Variants in VWA8 observed in about 807,000 individuals in gnomAD.
VWA8 encodes von Willebrand factor A domain containing 8, also known as von Willebrand factor A domain-containing protein 8.
A neutral mutation model predicts 241.5 loss-of-function variants in VWA8; 221 were observed. The ratio of observed to expected loss-of-function variants is 0.91; its 90% confidence interval spans 0.82 to 1.02. VWA8 has a LOEUF of 1.02. Ranked by LOEUF, VWA8 falls within the 50% of genes least tolerant of loss-of-function variation. The pLI is 0.00. For synonymous variants in VWA8, 852 were observed against 827.1 expected (o/e 1.03, Z -0.52); for missense variants, 2,322 against 2,328.7 (o/e 1.00, Z 0.06).
At chr13:41,953,060 A>C (rs1050015258) in intron 1 of VWA8, among the ~76,000 whole-genome samples, 2 of 152,264 alleles carry the variant, frequency 1.3e-5, no homozygotes, top group African/African-American at 4.8e-5. Flanking sequence ...ATGAAGCAAA[A>C]ACGGACAGAA....
At chr13:41,932,846 T>C (rs1183774615) in intron 2 of VWA8, among the ~76,000 whole-genome samples, 1 of 151,920 alleles carries the variant, frequency 6.6e-6, no homozygotes, top group East Asian at 1.9e-4. Flanking sequence ...ATCCTAAACC[T>C]TTACCTAACC....
intron 44 of VWA8, 66 bp downstream of exon 44, chr13:41,570,402 A>C: frequency 7.0e-7 from 1 of 1,428,068 alleles, no homozygotes; most frequent in Non-Finnish European, 9.8e-7. Flanking sequence ...AGCCTATAAA[A>C]CAGCATGTGT....
intron 2 of VWA8, chr13:41,926,295 A>C: frequency 3.2e-6 from 2 of 619,082 alleles, no homozygotes; most frequent in Non-Finnish European, 6.2e-6. Context: ...CTTGGACTTG[A>C]TACTAAATGA....
At chr13:41,723,642 G>C (rs2045409853) in intron 24 of VWA8, among the ~76,000 whole-genome samples, 3 of 152,084 alleles carry the variant, frequency 2.0e-5, no homozygotes, top group African/African-American at 4.8e-5. Flanking sequence ...ATTTGGAAAA[G>C]AGCATAAGAG....
chr13:41,952,813 A>G (rs1878195248), intron 1 of VWA8, among the ~76,000 whole-genome samples: 1 of 152,160 alleles, frequency 6.6e-6, no homozygotes, highest in Non-Finnish European at 1.5e-5. Flanking sequence ...AAACTGAGTA[A>G]CTGAGGAGAG....
chr13:41,644,776 C>T (rs942059054), intron 37 of VWA8, among the ~76,000 whole-genome samples: 1 of 152,210 alleles, frequency 6.6e-6, no homozygotes, highest in Non-Finnish European at 1.5e-5. Context: ...ACACTGATTT[C>T]AGTGTTTACT....
intron 17 of VWA8, among the ~76,000 whole-genome samples, chr13:41,803,291 A>G (rs1870039989): frequency 6.6e-6 from 1 of 152,228 alleles, no homozygotes; most frequent in African/African-American, 2.4e-5. Context: ...AGGCATCAAG[A>G]CCATCCAGGA....
At chr13:41,571,402 G>A (rs544127068) in intron 43 of VWA8, among the ~76,000 whole-genome samples, 4 of 143,370 alleles carry the variant, frequency 2.8e-5, no homozygotes, top group South Asian at 2.3e-4. Flanking sequence ...TGTCAAAGCC[G>A]AGGCTGGACT....
chr13:41,585,085 A>AC (rs952977312), intron 42 of VWA8, among the ~76,000 whole-genome samples: 4 of 151,998 alleles, frequency 2.6e-5, no homozygotes, highest in African/African-American at 4.8e-5. Context: ...CTGTCAATAA[A>AC]AAAAAAAAAA....
chr13:41,720,804 C>T (rs1230376678), intron 25 of VWA8, among the ~76,000 whole-genome samples: 6 of 151,888 alleles, frequency 4.0e-5, no homozygotes, highest in Non-Finnish European at 8.8e-5. Flanking sequence ...GCTTGGAGAC[C>T]CTTATTTGTT....
intron 12 of VWA8, among the ~76,000 whole-genome samples, chr13:41,836,155 G>T (rs1463598884): frequency 6.6e-6 from 1 of 152,032 alleles, no homozygotes; most frequent in African/African-American, 2.4e-5. Flanking sequence ...ACCCTTCCTT[G>T]TTCTAATATG....
At chr13:41,866,323 T>C (rs1250198438) in intron 10 of VWA8, among the ~76,000 whole-genome samples, 1 of 150,682 alleles carries the variant, frequency 6.6e-6, no homozygotes, top group Non-Finnish European at 1.5e-5. Context: ...CACTGCAGCC[T>C]GGGCAACAGA....
intron 39 of VWA8, among the ~76,000 whole-genome samples, chr13:41,609,372 T>C (rs1490298393): frequency 6.6e-6 from 1 of 152,182 alleles, no homozygotes; most frequent in African/African-American, 2.4e-5. Flanking sequence ...GACTTAATAA[T>C]AGTATTGTGA....
At chr13:41,927,948 T>C (rs888346551) in intron 2 of VWA8, among the ~76,000 whole-genome samples, 1 of 152,182 alleles carries the variant, frequency 6.6e-6, no homozygotes, top group African/African-American at 2.4e-5. Flanking sequence ...AAAGCATGAA[T>C]GGCTATACTA....
chr13:41,753,028 G>C (rs1321064936), intron 21 of VWA8, among the ~76,000 whole-genome samples: 1 of 152,168 alleles, frequency 6.6e-6, no homozygotes, highest in East Asian at 1.9e-4. Flanking sequence ...ACCAAACCTT[G>C]AAGGGTTGGG....
chr13:41,852,439 G>C (rs1872564469), intron 12 of VWA8, among the ~76,000 whole-genome samples: 1 of 152,002 alleles, frequency 6.6e-6, no homozygotes, highest in Non-Finnish European at 1.5e-5. Context: ...TTTTAAGTTT[G>C]ATGCATTTAT....
chr13:41,953,806 T>C (rs1878240223), intron 1 of VWA8, among the ~76,000 whole-genome samples: 1 of 151,998 alleles, frequency 6.6e-6, no homozygotes, highest in Non-Finnish European at 1.5e-5. Flanking sequence ...TGAAACTCTG[T>C]GTCAAAAAAA....
At chr13:41,804,872 T>C (rs1271188444) in intron 17 of VWA8, among the ~76,000 whole-genome samples, 1 of 152,192 alleles carries the variant, frequency 6.6e-6, no homozygotes, top group African/African-American at 2.4e-5. Flanking sequence ...TAAGGCATTA[T>C]ATGCAAGCCT....
intron 21 of VWA8, among the ~76,000 whole-genome samples, chr13:41,752,877 G>A (rs1291363995): frequency 6.6e-6 from 1 of 152,164 alleles, no homozygotes; most frequent in African/African-American, 2.4e-5. Flanking sequence ...AAAGGTTAGT[G>A]AAGACTGGAT....
Sources: gnomAD v4.1 joint callset for allele counts (sites outside exome capture counted in the v4.1 genomes callset) on GRCh38, gnomAD v4.1.1 for gene constraint, MANE v1.5 for transcripts, NCBI Gene and HGNC (gene_info 2026-07-23, HGNC 2026-07-21) for gene names.